The following PAMR1 variants were observed in gnomAD, a reference collection of about 807,000 sequenced individuals.
The protein encoded by PAMR1 is peptidase domain containing associated with muscle regeneration 1, also known as inactive serine protease PAMR1.
PAMR1 carries 88 observed loss-of-function variants against 81.8 expected under a neutral mutation model. The ratio of observed to expected loss-of-function variants is 1.08; its 90% confidence interval spans 0.91 to 1.28. The LOEUF (loss-of-function observed/expected upper bound fraction) is 1.28. Among genes scored for constraint, PAMR1 ranks in the 50% most tolerant of loss-of-function variants. PAMR1 has a pLI of 0.00. For missense variants in PAMR1, 935 were observed against 919.7 expected (o/e 1.02, Z -0.21); for synonymous variants, 336 against 345.3 (o/e 0.97, Z 0.30).
At chr11:35,469,981 T>C (rs1277842611) in intron 5 of PAMR1, among the ~76,000 whole-genome samples, 1 of 152,190 alleles carries the variant, frequency 6.6e-6, no homozygotes, top group African/African-American at 2.4e-5. Flanking sequence ...AAGTTACTCA[T>C]CAAGTCAATG....
At chr11:35,433,783 G>A (rs1237082536) in intron 10 of PAMR1, among the ~76,000 whole-genome samples, 1 of 151,432 alleles carries the variant, frequency 6.6e-6, no homozygotes, top group Non-Finnish European at 1.5e-5. Context: ...CGGATGGATG[G>A]ATCGATGGCT....
chr11:35,497,241 G>A (rs187351322), intron 1 of PAMR1, among the ~76,000 whole-genome samples: 1 of 152,012 alleles, frequency 6.6e-6, no homozygotes, highest in Non-Finnish European at 1.5e-5. Context: ...ATATTATTCA[G>A]CCATGAAAAG....
intron 4 of PAMR1, 76 bp downstream of exon 4, chr11:35,474,554 A>G: frequency 2.5e-6 from 2 of 795,920 alleles, no homozygotes; most frequent in Non-Finnish European, 2.0e-6. Flanking sequence ...AGAGGATCCC[A>G]GTGACCAAGA....
At chr11:35,499,411 G>A (rs915993866) in intron 1 of PAMR1, among the ~76,000 whole-genome samples, 3 of 152,046 alleles carry the variant, frequency 2.0e-5, no homozygotes, top group East Asian at 1.9e-4. Context: ...CATCCTTCTA[G>A]GTTTTCTAAT....
chr11:35,438,130 A>G (rs1326252682), intron 8 of PAMR1, among the ~76,000 whole-genome samples: 1 of 152,222 alleles, frequency 6.6e-6, no homozygotes, highest in African/African-American at 2.4e-5. Flanking sequence ...CTCAAAGTAT[A>G]GTGCATACGG....
At chr11:35,451,907 C>A in intron 6 of PAMR1, 1 of 703,486 alleles carries the variant, frequency 1.4e-6, no homozygotes. Flanking sequence ...AATCTTCTGA[C>A]GCCTTGATCT....
At chr11:35,514,209 A>G (rs990689250) in intron 1 of PAMR1, among the ~76,000 whole-genome samples, 1 of 152,152 alleles carries the variant, frequency 6.6e-6, no homozygotes, top group Non-Finnish European at 1.5e-5. Flanking sequence ...AAACACAATG[A>G]GCATAAAGGG....
chr11:35,435,762 A>AG, intron 9 of PAMR1, 141 bp downstream of exon 9: 2 of 635,232 alleles, frequency 3.1e-6, no homozygotes, highest in Non-Finnish European at 5.5e-6. Flanking sequence ...GGAAAAAAAA[A>AG]GCTCTAACTA....
chr11:35,507,774 C>A (rs1239185647), intron 1 of PAMR1, among the ~76,000 whole-genome samples: 4 of 140,790 alleles, frequency 2.8e-5, no homozygotes, highest in Non-Finnish European at 6.1e-5. Context: ...CTTAGAAATT[C>A]TTTGTAATTT....
At chr11:35,513,519 C>A (rs1000151769) in intron 1 of PAMR1, 1 of 152,224 alleles carries the variant, frequency 6.6e-6, no homozygotes, top group Non-Finnish European at 1.5e-5. Flanking sequence ...GGAGAGCTTG[C>A]TCTGAGCCAG....
chr11:35,501,027 TA>T (rs1850826278), intron 1 of PAMR1, among the ~76,000 whole-genome samples: 3 of 152,190 alleles, frequency 2.0e-5, no homozygotes, highest in Admixed American at 2.0e-4. Flanking sequence ...GTAGACTTTA[TA>T]AACACCATAC....
Position 35,441,597 on chromosome 11 carries a change from T to G in PAMR1, c.917A>C (p.Lys306Thr). The change falls in exon 7 of 11, where the codon AAA becomes ACA. Residue 306 changes from lysine (K) to threonine (T), a missense_variant. Transcript: ENST00000619888. Reference protein sequence around the residue: ...GPGLINGRHAKIGTVVSFFCN... With the variant: ...GPGLINGRHATIGTVVSFFCN... The stretch of plus-strand genomic sequence containing the variant: ...AAAGAAAGACACCACGGTGCCAATT[T>G]TAGCATGGCGTCCGTTGATAAGCCC... 2.5e-6 allele frequency: 4 copies of G among 1,614,058 alleles called. No individual in the cohort carries two copies. The highest frequency in any genetic ancestry group is 3.4e-6 in the Non-Finnish European group (4 of 1,179,936).
Position 35,432,324 on chromosome 11 carries a change from G to C in PAMR1, c.*32C>G. 1.3e-6 allele frequency: 2 copies of C among 1,580,772 alleles called. No individual in the cohort carries two copies. Among genetic ancestry groups the C allele is most frequent in the African/African-American group, 1.3e-5 (1 of 74,650 alleles). Reference sequence around the variant, plus strand: ...TGACACACGTACAGACGGATATACAGAAACACTTCTCAAGGAGTGCATGAG... The same window carrying C: ...TGACACACGTACAGACGGATATACACAAACACTTCTCAAGGAGTGCATGAG... On this transcript the variant is annotated 3_prime_UTR_variant, in exon 11 of 11. Coordinates refer to ENST00000619888, the MANE Select transcript of PAMR1 (RefSeq NM_001001991.3).
chr11:35,492,024 G>GCATGCAGTAAGTAGA, intron 3 of PAMR1, 21 bp downstream of exon 3: 1 of 1,601,146 alleles, frequency 6.2e-7, no homozygotes, highest in African/African-American at 1.3e-5. Flanking sequence ...TAGAGATGGA[G>GCATGCAGTAAGTAGA]CTAGGTCAAG....
At chr11:35,527,310 A>G (rs1341913874), upstream of PAMR1, among the ~76,000 whole-genome samples, 1 of 152,248 alleles carries the variant, frequency 6.6e-6, no homozygotes, top group African/African-American at 2.4e-5. Flanking sequence ...CCTACTTTGT[A>G]GATCACTGGA....
intron 5 of PAMR1, 135 bp from the exon 6 acceptor site, chr11:35,468,243 T>C: frequency 1.7e-6 from 1 of 585,132 alleles, no homozygotes; most frequent in South Asian, 2.2e-5. Flanking sequence ...ACTGAATTCA[T>C]GTTATGATTA....
intron 6 of PAMR1, among the ~76,000 whole-genome samples, chr11:35,464,483 T>A (rs1856721920): frequency 6.6e-6 from 1 of 152,210 alleles, no homozygotes; most frequent in African/African-American, 2.4e-5. Context: ...CAGTGTAGGA[T>A]GTTTAGCAGC....
intron 2 of PAMR1, among the ~76,000 whole-genome samples, chr11:35,493,366 G>T (rs1367666156): frequency 1.3e-5 from 2 of 152,044 alleles, no homozygotes; most frequent in African/African-American, 2.4e-5. Flanking sequence ...TCTGGCTCTT[G>T]TTCCTCCCTT....
chr11:35,435,995 C>T lies in PAMR1; in HGVS notation c.1241G>A (p.Cys414Tyr). The T allele has an allele frequency of 6.2e-7, 1 of 1,614,182 alleles. No homozygotes were observed. Among genetic ancestry groups the T allele is most frequent in the Non-Finnish European group, 8.5e-7 (1 of 1,180,016 alleles). ...QHLHTQLQYE[C>Y]ISPFYRRLGS... is the part of the protein sequence containing the mutation. ...CAGGCGGCGGTAGAAGGGTGAGATG[C>T]ACTCATACTGGAGCTGGGTATGCAG... Residue 414 changes from cysteine to tyrosine, a missense_variant, in exon 9 of 11, where the codon TGC becomes TAC. Transcript: ENST00000619888.
Sources: allele counts gnomAD v4.1 joint callset (sites outside exome capture counted in the v4.1 genomes callset), GRCh38; gene constraint gnomAD v4.1.1; transcripts MANE v1.5; gene names NCBI Gene and HGNC (gene_info 2026-07-23, HGNC 2026-07-21).